The following SH3GL2 variants were observed in gnomAD, a reference collection of about 807,000 sequenced individuals.
SH3GL2 encodes SH3 domain containing GRB2 like 2, endophilin A1.
SH3GL2 carries 24 observed loss-of-function variants against 46.0 expected under a neutral mutation model. The observed-to-expected ratio is 0.52, with a 90% CI of 0.38 to 0.73. The LOEUF (loss-of-function observed/expected upper bound fraction) is 0.73, where lower values mean the gene tolerates loss of function less well. Ranked by LOEUF, SH3GL2 falls within the 30% of genes least tolerant of loss-of-function variation. The pLI, the probability that SH3GL2 is intolerant of heterozygous loss-of-function variation, is 0.00. For missense variants in SH3GL2, 413 were observed against 424.2 expected (o/e 0.97, Z 0.23); for synonymous variants, 196 against 147.1 (o/e 1.33, Z -2.40).
rs3808674 is a variant in SH3GL2 at position 17,763,007 on chromosome 9, G to C, written c.187+1498G>C. 2.6e-3 allele frequency among the ~76,000 whole-genome samples: 394 copies of C among 152,270 alleles called. 4 individuals are homozygous for C. The East Asian group carries it at 0.027, about 10-fold the overall frequency. On this transcript the variant is annotated intron_variant, in intron 3 of 8. Transcript: ENST00000380607. ...TTCACGAGTTGTACTTGTAACTCAT[G>C]GTTGTAGGGCTAAGAGAAAGGCAGT...
At chr9:17,627,710 C>T (rs1352298714) in intron 1 of SH3GL2, among the ~76,000 whole-genome samples, 1 of 152,210 alleles carries the variant, frequency 6.6e-6, no homozygotes, top group East Asian at 1.9e-4. Context: ...GCCCCTTCAT[C>T]CCTCTGTGAT....
At chr9:17,684,846 G>C (rs1490953905) in intron 1 of SH3GL2, among the ~76,000 whole-genome samples, 1 of 152,020 alleles carries the variant, frequency 6.6e-6, no homozygotes. Flanking sequence ...CCTTCAAAAT[G>C]AAAGAAAGCA....
At chr9:17,792,952 T>G (rs556061114) in intron 7 of SH3GL2, among the ~76,000 whole-genome samples, 106 of 152,346 alleles carry the variant, frequency 7.0e-4, no homozygotes, top group African/African-American at 2.5e-3. Context: ...ATTTATGAGA[T>G]ACATGAGGTG....
At chr9:17,624,144 A>C (rs1819223129) in intron 1 of SH3GL2, among the ~76,000 whole-genome samples, 1 of 152,166 alleles carries the variant, frequency 6.6e-6, no homozygotes, top group African/African-American at 2.4e-5. Context: ...TCATGATTAG[A>C]TTCAGGGTGA....
At chr9:17,761,376 A>C in intron 2 of SH3GL2, 61 bp from the exon 3 acceptor site, 1 of 1,082,806 alleles carries the variant, frequency 9.2e-7, no homozygotes, top group East Asian at 2.4e-5. Flanking sequence ...GACTCAACCA[A>C]AAACCGGTAT....
chr9:17,580,386 G>C (rs180768909), intron 1 of SH3GL2, among the ~76,000 whole-genome samples: 4 of 152,292 alleles, frequency 2.6e-5, no homozygotes, highest in East Asian at 3.9e-4. Flanking sequence ...ACCACATCCA[G>C]AAAAGGTGAG....
chr9:17,727,440 T>C (rs1030149927), intron 1 of SH3GL2, among the ~76,000 whole-genome samples: 1 of 152,178 alleles, frequency 6.6e-6, no homozygotes, highest in Admixed American at 6.5e-5. Context: ...TATTTGCTCC[T>C]TTACTAAAAA....
chr9:17,579,563 C>T (rs1168253761), intron 1 of SH3GL2, among the ~76,000 whole-genome samples: 1 of 152,170 alleles, frequency 6.6e-6, no homozygotes, highest in African/African-American at 2.4e-5. Flanking sequence ...CATCATCTCG[C>T]GCCCGTGCTG....
chr9:17,721,021 C>T (rs762538140), intron 1 of SH3GL2, among the ~76,000 whole-genome samples: 2 of 152,048 alleles, frequency 1.3e-5, no homozygotes, highest in South Asian at 2.1e-4. Context: ...GTTAACAAAA[C>T]GAGGTCAGTG....
At chr9:17,696,335 G>A (rs1254706591) in intron 1 of SH3GL2, among the ~76,000 whole-genome samples, 2 of 152,144 alleles carry the variant, frequency 1.3e-5, no homozygotes, top group African/African-American at 2.4e-5. Flanking sequence ...GAAGAAAACG[G>A]TTTTATAAAC....
At chr9:17,629,391 G>T (rs112341029) in intron 1 of SH3GL2, among the ~76,000 whole-genome samples, 1 of 152,150 alleles carries the variant, frequency 6.6e-6, no homozygotes, top group African/African-American at 2.4e-5. Flanking sequence ...TTTTTATAAT[G>T]AAGTCTCTGA....
chr9:17,690,220 C>T (rs1391237441), intron 1 of SH3GL2, among the ~76,000 whole-genome samples: 2 of 152,132 alleles, frequency 1.3e-5, no homozygotes, highest in East Asian at 3.9e-4. Flanking sequence ...AGTGACTGCT[C>T]AGTAGCGTTT....
At chr9:17,643,074 T>C (rs529746057) in intron 1 of SH3GL2, among the ~76,000 whole-genome samples, 31 of 152,338 alleles carry the variant, frequency 2.0e-4, no homozygotes, top group African/African-American at 7.5e-4. Flanking sequence ...TGAGCAGTGG[T>C]TTGTAGTTCT....
intron 1 of SH3GL2, among the ~76,000 whole-genome samples, chr9:17,711,840 T>C (rs1821633056): frequency 6.6e-6 from 1 of 151,804 alleles, no homozygotes; most frequent in Non-Finnish European, 1.5e-5. Context: ...AAGAATGGAA[T>C]AGCTGGATTA....
At chr9:17,676,855 T>G (rs926255401) in intron 1 of SH3GL2, among the ~76,000 whole-genome samples, 1 of 152,184 alleles carries the variant, frequency 6.6e-6, no homozygotes, top group African/African-American at 2.4e-5. Context: ...TTTCTTTTTG[T>G]CCTTTTTATC....
At chr9:17,584,093 T>TTTATAAAATTATAA (rs1323541578) in intron 1 of SH3GL2, among the ~76,000 whole-genome samples, 3 of 152,278 alleles carry the variant, frequency 2.0e-5, no homozygotes, top group African/African-American at 7.2e-5. Context: ...GCCTATATAT[T>TTTATAAAATTATAA]TTATAAAATT....
Position 17,632,362 on chromosome 9 carries a change from C to G in SH3GL2, c.45+53075C>G, listed in dbSNP as rs1310180564. Among the ~76,000 whole-genome samples, 6 of 152,214 alleles carry G rather than the reference C, an allele frequency of 3.9e-5. No individual in the cohort carries two copies. In the East Asian group the frequency reaches 1.2e-3, roughly 29 times the overall value. On this transcript the variant is annotated intron_variant, in intron 1 of 8. Coordinates refer to ENST00000380607, the MANE Select transcript of SH3GL2 (RefSeq NM_003026.5). ...CATCTTGGCCGACATAGCTACAAAG[C>G]ACAATTATTGGAACTACAGTAATTA...
intron 1 of SH3GL2, among the ~76,000 whole-genome samples, chr9:17,743,601 C>CACACACACACACACACACA (rs1554645790): frequency 3.4e-5 from 5 of 145,736 alleles, no homozygotes; most frequent in East Asian, 2.0e-4. Context: ...CACACACACA[C>CACACACACACACACACACA]CCCAAATAGT....
chr9:17,628,414 GTGTGT>G lies in SH3GL2; in HGVS notation c.45+49128_45+49132del, dbSNP rs1819337124. Among the ~76,000 whole-genome samples the G allele has an allele frequency of 6.5e-3, 229 of 35,136 alleles. 1 individual carries two copies. Among genetic ancestry groups the G allele is most frequent in the African/African-American group, 0.015 (211 of 14,024 alleles). 23.1% of individuals were successfully genotyped at this position (35,136 alleles called of 152,430 possible). A position where few individuals can be genotyped will look rare whatever the true frequency, so the allele number is the denominator to read the frequency against. On this transcript the variant is annotated intron_variant, in intron 1 of 8. Coordinates refer to ENST00000380607, the MANE Select transcript of SH3GL2 (RefSeq NM_003026.5). ...ATGCCCAGATAACTATATCTTGGGT[GTGTGT>G]GTGTGTGTGTGTGTGTGTGTGTGTG...
Sources: gnomAD v4.1 joint callset for allele counts (sites outside exome capture counted in the v4.1 genomes callset) on GRCh38, gnomAD v4.1.1 for gene constraint, MANE v1.5 for transcripts, NCBI Gene and HGNC (gene_info 2026-07-23, HGNC 2026-07-21) for gene names.